Variants in GRM5 observed in about 807,000 individuals in gnomAD.
GRM5 encodes the protein glutamate metabotropic receptor 5, also known as metabotropic glutamate receptor 5.
GRM5 carries 19 observed loss-of-function variants against 83.1 expected under a neutral mutation model. That is an observed-to-expected ratio of 0.23 (90% CI 0.16 to 0.34). The LOEUF is 0.34. Ranked by LOEUF, GRM5 falls within the 10% of genes least tolerant of loss-of-function variation. The probability of loss-of-function intolerance (pLI) is 1.00; values close to 1 mark genes in which losing one functional copy is unlikely to be tolerated. For missense variants in GRM5, 1,160 were observed against 1,588.3 expected (o/e 0.73, Z 4.58); for synonymous variants, 675 against 633.6 (o/e 1.07, Z -0.98).
At chr11:88,640,799 G>A (rs1939268973) in intron 4 of GRM5, among the ~76,000 whole-genome samples, 1 of 152,148 alleles carries the variant, frequency 6.6e-6, no homozygotes, top group African/African-American at 2.4e-5. Context: ...GGGGTGTGGA[G>A]CTTCCACGCT....
At chr11:88,919,262 TA>T (rs1945649395) in intron 2 of GRM5, among the ~76,000 whole-genome samples, 3 of 20,172 alleles carry the variant, frequency 1.5e-4, no homozygotes, top group East Asian at 1.2e-3. Flanking sequence ...ATATATCGGA[TA>T]AAATAGATTT....
At chr11:89,000,158 C>T (rs575692495) in intron 2 of GRM5, among the ~76,000 whole-genome samples, 111 of 152,162 alleles carry the variant, frequency 7.3e-4, no homozygotes, top group African/African-American at 1.7e-3. Context: ...TTAATGGGTG[C>T]AGCACACCAA....
intron 2 of GRM5, among the ~76,000 whole-genome samples, chr11:88,940,314 G>A (rs951872103): frequency 2.1e-5 from 3 of 146,140 alleles, no homozygotes; most frequent in African/African-American, 7.6e-5. Context: ...CCAGGTTCAT[G>A]GTTTTTTTTT....
chr11:88,802,801 A>C (rs1488179644), intron 3 of GRM5, among the ~76,000 whole-genome samples: 3 of 150,958 alleles, frequency 2.0e-5, no homozygotes, highest in African/African-American at 4.9e-5. Flanking sequence ...ATCTCAGCCC[A>C]AAATCTCCTT....
chr11:88,956,858 A>G (rs1485354860), intron 2 of GRM5, among the ~76,000 whole-genome samples: 1 of 152,196 alleles, frequency 6.6e-6, no homozygotes, highest in Non-Finnish European at 1.5e-5. Flanking sequence ...TTTTGTTCTC[A>G]GCTTGATCAA....
chr11:89,010,507 G>A (rs1591045301), intron 2 of GRM5, among the ~76,000 whole-genome samples: 1 of 152,270 alleles, frequency 6.6e-6, no homozygotes, highest in East Asian at 1.9e-4. Context: ...ACCTAGATTA[G>A]GGTCCTTAGC....
At chr11:89,039,429 T>A (rs1282747264) in intron 2 of GRM5, among the ~76,000 whole-genome samples, 8 of 151,976 alleles carry the variant, frequency 5.3e-5, no homozygotes, top group Non-Finnish European at 1.0e-4. Context: ...TTTTCCAGAG[T>A]CCTCCAAGTG....
chr11:89,043,491 A>T (rs1218939376), intron 2 of GRM5, among the ~76,000 whole-genome samples: 2 of 152,210 alleles, frequency 1.3e-5, no homozygotes, highest in East Asian at 3.8e-4. Context: ...GTATAGGCAA[A>T]GCATTTTAAA....
intron 2 of GRM5, among the ~76,000 whole-genome samples, chr11:88,985,247 C>A (rs1939666166): frequency 6.6e-6 from 1 of 152,050 alleles, no homozygotes; most frequent in Admixed American, 6.6e-5. Flanking sequence ...ACATATATAA[C>A]CAATTTTGTT....
intron 4 of GRM5, among the ~76,000 whole-genome samples, chr11:88,648,018 G>A (rs1939512030): frequency 6.6e-6 from 1 of 151,486 alleles, no homozygotes; most frequent in Admixed American, 6.6e-5. Flanking sequence ...GTGCTGGAGA[G>A]GATGTGGAGA....
At chr11:89,040,614 T>A (rs1440706583) in intron 2 of GRM5, among the ~76,000 whole-genome samples, 1 of 152,082 alleles carries the variant, frequency 6.6e-6, no homozygotes. Flanking sequence ...ACCAGGAGGA[T>A]CGTTTGAGAC....
At chr11:88,527,684 T>C (rs539345139) in intron 8 of GRM5, among the ~76,000 whole-genome samples, 1 of 152,236 alleles carries the variant, frequency 6.6e-6, no homozygotes, top group South Asian at 2.1e-4. Context: ...AGTCATGGAA[T>C]CAACCTAAAT....
chr11:88,959,786 A>G (rs977518387), intron 2 of GRM5, among the ~76,000 whole-genome samples: 2 of 152,210 alleles, frequency 1.3e-5, no homozygotes, highest in African/African-American at 4.8e-5. Flanking sequence ...GGGAAATGTG[A>G]TAAGAGGTCA....
chr11:88,838,084 C>CAAA (rs1157680177), intron 3 of GRM5, among the ~76,000 whole-genome samples: 11,204 of 55,138 alleles, frequency 0.2, 2,783 homozygotes, highest in South Asian at 0.38. Flanking sequence ...GACTCCATCT[C>CAAA]AAAAAAAAAA....
At chr11:88,703,193 C>T (rs1941075659) in intron 3 of GRM5, among the ~76,000 whole-genome samples, 1 of 151,948 alleles carries the variant, frequency 6.6e-6, no homozygotes, top group Non-Finnish European at 1.5e-5. Context: ...CCAGATAACC[C>T]CTTTCTGTCC....
At chr11:88,681,186 C>T (rs1240433585) in intron 3 of GRM5, among the ~76,000 whole-genome samples, 3 of 151,992 alleles carry the variant, frequency 2.0e-5, no homozygotes, top group Non-Finnish European at 4.4e-5. Context: ...TTCTCAAAAT[C>T]TTTTTTTAAA....
chr11:88,994,813 A>G (rs1285274004), intron 2 of GRM5, among the ~76,000 whole-genome samples: 1 of 151,964 alleles, frequency 6.6e-6, no homozygotes, highest in Non-Finnish European at 1.5e-5. Context: ...AGTTCTATTG[A>G]TATCTATAGA....
intron 2 of GRM5, among the ~76,000 whole-genome samples, chr11:88,966,356 G>A (rs186327170): frequency 1.9e-3 from 289 of 151,962 alleles, no homozygotes; most frequent in African/African-American, 6.3e-3. Flanking sequence ...CAAGCAAATC[G>A]AAAAACTAGG....
chr11:88,620,141 A>G (rs1319172329), intron 4 of GRM5, among the ~76,000 whole-genome samples: 11 of 152,192 alleles, frequency 7.2e-5, no homozygotes, highest in Admixed American at 7.2e-4. Context: ...ACAACACACA[A>G]TACTTTCTGT....
Sources: allele counts gnomAD v4.1 joint callset (sites outside exome capture counted in the v4.1 genomes callset), GRCh38; gene constraint gnomAD v4.1.1; transcripts MANE v1.5; gene names NCBI Gene and HGNC (gene_info 2026-07-23, HGNC 2026-07-21).